The following DLC1 variants were observed in gnomAD, a reference collection of about 807,000 sequenced individuals.
The protein encoded by DLC1 is DLC1 Rho GTPase activating protein, also known as rho GTPase-activating protein 7.
DLC1 carries 54 observed loss-of-function variants against 140.3 expected under a neutral mutation model. That is an observed-to-expected ratio of 0.38 (90% confidence interval 0.31 to 0.48). The LOEUF (loss-of-function observed/expected upper bound fraction) is 0.48. Among genes scored for constraint, DLC1 ranks in the 20% least tolerant of loss-of-function variants. The pLI is 0.96. For missense variants in DLC1, 2,536 were observed against 1,907.0 expected, an observed-to-expected ratio of 1.33 and a Z score of -6.14; for synonymous variants, 986 against 728.1, an observed-to-expected ratio of 1.35 and a Z score of -5.70.
At chr8:13,319,884 G>A (rs965035139) in intron 4 of DLC1, among the ~76,000 whole-genome samples, 5 of 128,744 alleles carry the variant, frequency 3.9e-5, no homozygotes, top group African/African-American at 8.7e-5. Context: ...GTGCACTGGT[G>A]TAATCTTGGT....
At chr8:13,118,067 T>TG (rs1339958504) in intron 5 of DLC1, among the ~76,000 whole-genome samples, 2 of 146,618 alleles carry the variant, frequency 1.4e-5, no homozygotes, top group East Asian at 4.0e-4. Context: ...TAAAGGGCAG[T>TG]GTTATGATCC....
At chr8:13,423,231 GA>G (rs1838398454) in intron 2 of DLC1, among the ~76,000 whole-genome samples, 1 of 152,044 alleles carries the variant, frequency 6.6e-6, no homozygotes, top group Admixed American at 6.6e-5. Flanking sequence ...TATATTTTTA[GA>G]AGGAAATAAA....
intron 2 of DLC1, among the ~76,000 whole-genome samples, chr8:13,472,586 C>T (rs1042310413): frequency 1.3e-5 from 2 of 152,110 alleles, no homozygotes; most frequent in Non-Finnish European, 2.9e-5. Flanking sequence ...TAGTTGAAAC[C>T]CCCTCATGCT....
rs192852226 is a variant in DLC1, at chr8:13,420,101, T to C, written c.1024-18482A>G. 8.9e-3 allele frequency among the ~76,000 whole-genome samples: 1,354 copies of C among 152,304 alleles called. 23 individuals are homozygous for C. Among genetic ancestry groups the C allele is most frequent in the African/African-American group, 0.031 (1,303 of 41,552 alleles). ...TTATTGCGTCTGTTTGATTCTTCTC[T>C]CTTTTTTTCTTTATTAGTCTTGCTA... On this transcript the variant is annotated intron_variant, in intron 2 of 17. Transcript: ENST00000276297.
chr8:13,359,346 G>C (rs1267768161), intron 4 of DLC1, among the ~76,000 whole-genome samples: 1 of 152,144 alleles, frequency 6.6e-6, no homozygotes, highest in Non-Finnish European at 1.5e-5. Flanking sequence ...ATTTGGCTTT[G>C]TTGGGTAATG....
chr8:13,533,184 C>T lies in DLC1; in HGVS notation c.-125-32988G>A, dbSNP rs1295023480. On this transcript the variant is annotated intron_variant, in intron 1 of 1. Transcript: ENST00000631382. Reference sequence around the variant, plus strand: ...AAAAATTAATCCATAAAGAGAAACACTGGGTAAATATATCAAAATATAACC... The same window carrying T: ...AAAAATTAATCCATAAAGAGAAACATTGGGTAAATATATCAAAATATAACC... 4.6e-5 allele frequency among the ~76,000 whole-genome samples: 7 copies of T among 152,106 alleles called. No homozygotes were observed. In the East Asian group the frequency reaches 1.4e-3, roughly 29 times the overall value.
At chr8:13,581,727 A>G (rs140230050) in intron 1 of DLC1, among the ~76,000 whole-genome samples, 151 of 152,288 alleles carry the variant, frequency 9.9e-4, no homozygotes, top group African/African-American at 3.6e-3. Flanking sequence ...GGCAGAATCT[A>G]TTCTATCGCT....
chr8:13,256,416 G>T (rs1028113066), intron 5 of DLC1, among the ~76,000 whole-genome samples: 2 of 152,110 alleles, frequency 1.3e-5, no homozygotes, highest in Admixed American at 6.5e-5. Context: ...AAAGACACAC[G>T]CACACGTATG....
intron 5 of DLC1, among the ~76,000 whole-genome samples, chr8:13,252,206 T>A (rs1302880775): frequency 6.6e-6 from 1 of 152,146 alleles, no homozygotes; most frequent in Non-Finnish European, 1.5e-5. Flanking sequence ...GCTTATAAAA[T>A]CTATGGGTGT....
intron 4 of DLC1, among the ~76,000 whole-genome samples, chr8:13,355,683 C>G (rs1236654754): frequency 6.6e-6 from 1 of 152,300 alleles, no homozygotes; most frequent in South Asian, 2.1e-4. Context: ...CCAGTTCATT[C>G]CATTGCACAA....
At chr8:13,296,716 T>C (rs1831972717) in intron 5 of DLC1, among the ~76,000 whole-genome samples, 1 of 151,832 alleles carries the variant, frequency 6.6e-6, no homozygotes, top group South Asian at 2.1e-4. Context: ...GGGAGGTTTC[T>C]GCTTTCAAGG....
intron 1 of DLC1, among the ~76,000 whole-genome samples, chr8:13,538,965 T>C (rs1322452603): frequency 6.6e-6 from 1 of 152,238 alleles, no homozygotes. Context: ...ACTCTTAAAA[T>C]ACGTGGCAGA....
intron 2 of DLC1, among the ~76,000 whole-genome samples, chr8:13,430,692 A>T (rs919534879): frequency 4.6e-5 from 7 of 152,212 alleles, no homozygotes; most frequent in Non-Finnish European, 7.3e-5. Flanking sequence ...TTTGGTAATT[A>T]ATTTAAAAAT....
intron 1 of DLC1, among the ~76,000 whole-genome samples, chr8:13,578,875 A>T (rs1307075280): frequency 6.6e-6 from 1 of 151,954 alleles, no homozygotes; most frequent in African/African-American, 2.4e-5. Flanking sequence ...GGCATGATTA[A>T]GTAAATCTAT....
At chr8:13,220,306 C>G (rs181070356) in intron 5 of DLC1, among the ~76,000 whole-genome samples, 29 of 151,970 alleles carry the variant, frequency 1.9e-4, no homozygotes, top group Non-Finnish European at 3.5e-4. Flanking sequence ...AATTTGAATC[C>G]GAATTTGAAT....
chr8:13,289,502 A>AT (rs890232747), intron 5 of DLC1, among the ~76,000 whole-genome samples: 4 of 151,020 alleles, frequency 2.6e-5, no homozygotes, highest in African/African-American at 4.9e-5. Flanking sequence ...AATTGTTCAA[A>AT]TTTTTTTTTG....
upstream of DLC1, among the ~76,000 whole-genome samples, chr8:13,517,324 G>A (rs1802621045): frequency 6.6e-6 from 1 of 151,960 alleles, no homozygotes; most frequent in South Asian, 2.1e-4. Context: ...ATTTCTATTG[G>A]CTTGGGAAAA....
At chr8:13,597,834 C>G (rs562857292) in intron 1 of DLC1, among the ~76,000 whole-genome samples, 1 of 152,052 alleles carries the variant, frequency 6.6e-6, no homozygotes, top group Non-Finnish European at 1.5e-5. Context: ...TAGAAACATG[C>G]TGATCTATTT....
chr8:13,285,050 T>C (rs912996154), intron 5 of DLC1, among the ~76,000 whole-genome samples: 6 of 152,144 alleles, frequency 3.9e-5, no homozygotes, highest in Non-Finnish European at 7.4e-5. Flanking sequence ...TATATGGAAA[T>C]ACAAAAGACC....
Sources: allele counts gnomAD v4.1 joint callset (sites outside exome capture counted in the v4.1 genomes callset), GRCh38; gene constraint gnomAD v4.1.1; transcripts MANE v1.5; gene names NCBI Gene and HGNC (gene_info 2026-07-23, HGNC 2026-07-21).